SHPK: variants seen among roughly 807,000 people sequenced by gnomAD.
SHPK encodes sedoheptulokinase.
SHPK carries 51 observed loss-of-function variants against 46.3 expected under a neutral mutation model. That is an observed-to-expected ratio of 1.10 (90% CI 0.88 to 1.39). SHPK has a LOEUF of 1.39. SHPK is among the 40% of genes most tolerant of loss of function. SHPK has a pLI of 0.00. For missense variants in SHPK, 668 were observed against 641.3 expected (o/e 1.04, Z -0.45); for synonymous variants, 290 against 273.9 (o/e 1.06, Z -0.58).
At chr17:3,615,619 G>A (rs1412773828) in intron 5 of SHPK, 82 bp from the exon 6 acceptor site, 1 of 1,236,750 alleles carries the variant, frequency 8.1e-7, no homozygotes, top group Non-Finnish European at 1.2e-6. Flanking sequence ...GAGAGGGGGT[G>A]GCCTGTCGGG....
chr17:3,631,015 T>G (rs2075467684), intron 1 of SHPK, among the ~76,000 whole-genome samples: 2 of 152,176 alleles, frequency 1.3e-5, no homozygotes, highest in South Asian at 4.1e-4. Context: ...TCAGACGTCT[T>G]GCTTCCCTCC....
Position 3,621,337 on chromosome 17 carries a change from G to A in SHPK, c.723C>T (p.Ser241=), listed in dbSNP as rs1318903256. ...CCTTTGGGATTTCAAACCACATGTG[G>A]GAAGTTCTGCCCGCCACACTGCCAG... ...AEPGSVAGRT[S]HMWFEIPKGT... Residue 241 remains serine, a synonymous_variant, in exon 5 of 7, where the codon TCC becomes TCT. Transcript: ENST00000225519. 2 of 1,614,142 alleles carry A rather than the reference G, an allele frequency of 1.2e-6. No individual in the cohort carries two copies. Among genetic ancestry groups the A allele is most frequent in the Non-Finnish European group, 1.7e-6 (2 of 1,180,024 alleles).
At chr17:3,635,392 C>T (rs891077371) in intron 1 of SHPK, among the ~76,000 whole-genome samples, 3 of 148,044 alleles carry the variant, frequency 2.0e-5, no homozygotes, top group East Asian at 2.1e-4. Context: ...CCCGCCACCA[C>T]GCCCCGCTAA....
In SHPK at chr17:3,608,870, G is replaced by C. The variant is rs1483170314; in HGVS notation, c.*1690C>G. ...CAGCAGAGAGGTGTGTTTTATTTAAGGCACAAGACTCTGGAAGAATGGGCT... is the reference window on the plus strand; with the variant it reads ...CAGCAGAGAGGTGTGTTTTATTTAACGCACAAGACTCTGGAAGAATGGGCT... On this transcript the variant is annotated 3_prime_UTR_variant, in exon 7 of 7. Transcript: ENST00000225519. 6.6e-6 allele frequency: 1 copy of C among 152,186 alleles called. No homozygotes were observed. Among genetic ancestry groups the C allele is most frequent in the African/African-American group, 2.4e-5 (1 of 41,448 alleles). 9.4% of individuals were successfully genotyped at this position (152,186 alleles called of 1,614,324 possible).
chr17:3,632,988 T>C (rs1481754814), intron 1 of SHPK, among the ~76,000 whole-genome samples: 1 of 146,636 alleles, frequency 6.8e-6, no homozygotes, highest in African/African-American at 2.5e-5. Flanking sequence ...TTTTTTTTTT[T>C]TTTTTTTGGA....
chr17:3,621,805 AC>A (rs2075405311), intron 4 of SHPK, among the ~76,000 whole-genome samples: 1 of 151,650 alleles, frequency 6.6e-6, no homozygotes, highest in East Asian at 1.9e-4. Flanking sequence ...GGCGCACACC[AC>A]CATGCCCAGC....
intron 1 of SHPK, among the ~76,000 whole-genome samples, chr17:3,630,952 T>G (rs1248979378): frequency 6.6e-6 from 1 of 152,124 alleles, no homozygotes; most frequent in Non-Finnish European, 1.5e-5. Flanking sequence ...ATGTCAGCTC[T>G]TTGAGGAACT....
chr17:3,612,425 TAAAAA>T (rs375264317), intron 6 of SHPK, among the ~76,000 whole-genome samples: 3 of 125,186 alleles, frequency 2.4e-5, no homozygotes, highest in Admixed American at 8.3e-5. Flanking sequence ...GACTCAGTCT[TAAAAA>T]AAAAAAAAAA....
intron 6 of SHPK, among the ~76,000 whole-genome samples, chr17:3,612,691 C>A (rs956825093): frequency 1.3e-5 from 2 of 151,716 alleles, no homozygotes; most frequent in African/African-American, 4.8e-5. Flanking sequence ...CCGACCTAGA[C>A]CTAGGGCTTC....
chr17:3,622,368 G>A (rs80312520), intron 4 of SHPK, among the ~76,000 whole-genome samples: 8,428 of 152,236 alleles, frequency 0.055, 360 homozygotes, highest in African/African-American at 0.11. Context: ...TGTTTGAAGG[G>A]AGCTCAAAAA....
intron 2 of SHPK, among the ~76,000 whole-genome samples, chr17:3,628,809 C>T (rs1206430221): frequency 2.0e-5 from 3 of 152,020 alleles, no homozygotes; most frequent in Admixed American, 2.0e-4. Context: ...GCACCACACC[C>T]AACTTATTTT....
intron 2 of SHPK, among the ~76,000 whole-genome samples, chr17:3,626,282 C>G (rs1207909329): frequency 6.6e-6 from 1 of 152,144 alleles, no homozygotes; most frequent in Non-Finnish European, 1.5e-5. Flanking sequence ...CCCTTTCAGG[C>G]TGGGGTGTTC....
Position 3,615,455 on chromosome 17 carries a change from G to A in SHPK, c.906C>T (p.Ala302=), listed in dbSNP as rs751713306. The A allele has an allele frequency of 7.4e-6, 12 of 1,614,176 alleles. No individual in the cohort carries two copies. Among genetic ancestry groups the A allele is most frequent in the Non-Finnish European group, 9.3e-6 (11 of 1,180,024 alleles). Residue 302 remains alanine, a synonymous_variant, in exon 6 of 7, where the codon GCC becomes GCT. Coordinates refer to ENST00000225519, the MANE Select transcript of SHPK (RefSeq NM_013276.4). ...FQPAQTPDPT[A]PVAYFPYFNR... Reference sequence around the variant, plus strand: ...TGAAGTATGGGAAGTAGGCGACTGGGGCCGTAGGGTCTGGAGTCTGTGCAG... The same window carrying A: ...TGAAGTATGGGAAGTAGGCGACTGGAGCCGTAGGGTCTGGAGTCTGTGCAG...
chr17:3,636,093 G>C lies in SHPK; in HGVS notation c.127C>G (p.Arg43Gly). 6.2e-7 allele frequency: 1 copy of C among 1,601,234 alleles called. No individual in the cohort carries two copies. Among genetic ancestry groups the C allele is most frequent in the Non-Finnish European group, 8.5e-7 (1 of 1,174,798 alleles). ...GCGCTCTCGACCGCCGCCTCTGCCCGCGCAGCACGGGCACAGCTCGCCAGC... is the reference window on the plus strand; with the variant it reads ...GCGCTCTCGACCGCCGCCTCTGCCCCCGCAGCACGGGCACAGCTCGCCAGC... ...AVLASCARAA[R>G]AEAAVESAVA... The change falls in exon 1 of 7, where the codon CGG (arginine) becomes GGG (glycine). Residue 43 changes from arginine to glycine, a missense_variant. Transcript: ENST00000225519.
chr17:3,610,658 C>G lies in SHPK; in HGVS notation c.1339G>C (p.Ala447Pro). 6.2e-7 allele frequency: 1 copy of G among 1,614,078 alleles called. No homozygotes were observed. The change falls in exon 7 of 7, where the codon GCT becomes CCT. Residue 447 changes from alanine to proline, a missense_variant. By Grantham distance (27) the Ala-to-Pro change is conservative. Coordinates refer to ENST00000225519, the MANE Select transcript of SHPK (RefSeq NM_013276.4). The part of the protein sequence containing the change: ...NDVLKQEVQR[A>P]FPLPMSFGQD... ...CCAAAGGACATGGGCAAAGGGAAAG[C>G]CCTCTGCACCTCCTGCTTCAGCACG...
chr17:3,634,855 A>G (rs1476753297), intron 1 of SHPK, among the ~76,000 whole-genome samples: 2 of 152,148 alleles, frequency 1.3e-5, no homozygotes, highest in Admixed American at 6.6e-5. Flanking sequence ...AACCGTGTCC[A>G]TGTATGTGGC....
chr17:3,626,562 C>T (rs1045054965), intron 2 of SHPK, among the ~76,000 whole-genome samples: 5 of 151,016 alleles, frequency 3.3e-5, no homozygotes, highest in South Asian at 2.1e-4. Flanking sequence ...CTAAAAATAC[C>T]GAAAAAAAAA....
intron 2 of SHPK, among the ~76,000 whole-genome samples, chr17:3,628,946 C>T (rs2075454512): frequency 1.3e-5 from 2 of 152,152 alleles, no homozygotes; most frequent in African/African-American, 4.8e-5. Context: ...AGCCACCATG[C>T]CCGGCCTTAA....
chr17:3,635,088 C>G lies in SHPK; in HGVS notation c.168+964G>C, dbSNP rs368545369. On this transcript the variant is annotated intron_variant, in intron 1 of 6. Coordinates refer to ENST00000225519, the MANE Select transcript of SHPK (RefSeq NM_013276.4). ...TCGGGAGGCTGAAGCAGGAGAATCA[C>G]TTGAATCCAGTTGGCGGAGGTTGCA... Among the ~76,000 whole-genome samples, 135 of 151,830 alleles carry G rather than the reference C, an allele frequency of 8.9e-4. 7 individuals carry two copies. In the South Asian group the frequency reaches 0.023, roughly 26 times the overall value.
Sources: gnomAD v4.1 joint callset for allele counts (sites outside exome capture counted in the v4.1 genomes callset) on GRCh38, gnomAD v4.1.1 for gene constraint, MANE v1.5 for transcripts, NCBI Gene and HGNC (gene_info 2026-07-23, HGNC 2026-07-21) for gene names.